Variants in RUVBL2 observed in about 807,000 individuals in gnomAD.
RUVBL2 encodes RuvB like AAA ATPase 2.
In RUVBL2, 9 loss-of-function variants were observed where a neutral mutation model predicts 57.9. The ratio of observed to expected loss-of-function variants is 0.16; its 90% CI spans 0.09 to 0.27. The LOEUF is 0.27. Ranked by LOEUF, RUVBL2 falls within the 10% of genes least tolerant of loss-of-function variation. The pLI, the probability that RUVBL2 is intolerant of heterozygous loss-of-function variation, is 1.00. For synonymous variants in RUVBL2, 278 were observed against 264.6 expected (o/e 1.05, Z -0.49); for missense variants, 456 against 669.6 (o/e 0.68, Z 3.52).
upstream of RUVBL2, chr19:48,993,780 G>GC (rs952071463): frequency 1.6e-6 from 2 of 1,235,110 alleles, no homozygotes; most frequent in Admixed American, 1.9e-5. Context: ...GTCCCGCCAC[G>GC]CCCCCACAAT....
chr19:49,014,329 G>C (rs564453126), intron 11 of RUVBL2, among the ~76,000 whole-genome samples, 155 bp from the exon 12 acceptor site: 27 of 152,362 alleles, frequency 1.8e-4, no homozygotes, highest in African/African-American at 5.3e-4. Context: ...TGCGTCATCA[G>C]GGGTGATGTC....
chr19:48,997,353 G>A (rs1354917310), intron 1 of RUVBL2, among the ~76,000 whole-genome samples: 3 of 152,140 alleles, frequency 2.0e-5, no homozygotes, highest in Admixed American at 6.5e-5. Context: ...GCCGGGCGCG[G>A]TGGCTCACGC....
At chr19:49,001,490 AAAAAG>A (rs932798694) in intron 2 of RUVBL2, 1 of 151,496 alleles carries the variant, frequency 6.6e-6, no homozygotes, top group African/African-American at 2.4e-5. Flanking sequence ...AAAAAAAAAA[AAAAAG>A]GATGAAGAGC....
Position 49,007,082 on chromosome 19 carries a change from C to T in RUVBL2, c.330C>T (p.Ser110=), listed in dbSNP as rs746395753. The part of the protein sequence containing the change: ...FTAIAGSEIF[S]LEMSKTEALT... ...CCATCGCCGGCAGTGAAATCTTCTC[C>T]CTGGAGATGAGCAAGACCGAGGCGC... Residue 110 remains serine (S), a synonymous_variant, in exon 5 of 15, where the codon TCC becomes TCT. Coordinates refer to ENST00000595090, the MANE Select transcript of RUVBL2 (RefSeq NM_006666.3). 7 of 1,613,288 alleles carry T rather than the reference C, an allele frequency of 4.3e-6. No individual in the cohort carries two copies. Among genetic ancestry groups the T allele is most frequent in the South Asian group, 3.3e-5 (3 of 91,090 alleles).
chr19:49,004,189 C>G (rs117409064), intron 3 of RUVBL2, 88 bp from the exon 4 acceptor site: 43,159 of 1,441,494 alleles, frequency 0.03, 703 homozygotes, highest in Middle Eastern at 0.038. Context: ...CTAGTAATGT[C>G]TGCTTCCATC....
intron 2 of RUVBL2, 99 bp downstream of exon 2, chr19:48,999,472 C>G: frequency 2.5e-6 from 3 of 1,217,382 alleles, no homozygotes; most frequent in Non-Finnish European, 3.7e-6. Context: ...AGGGAGGTGG[C>G]CTGCACACCA....
chr19:49,015,515 C>T lies in RUVBL2; in HGVS notation c.1252-57C>T, dbSNP rs536531264. The T allele has an allele frequency of 6.0e-5, 78 of 1,300,808 alleles. 2 individuals carry two copies. Among genetic ancestry groups the T allele is most frequent in the South Asian group, 4.1e-4 (35 of 84,678 alleles). 80.6% of individuals were successfully genotyped at this position (1,300,808 alleles called of 1,614,324 possible). On this transcript the variant is annotated intron_variant, in intron 13 of 14. Coordinates refer to ENST00000595090, the MANE Select transcript of RUVBL2 (RefSeq NM_006666.3). ...GCATGGAGGTGGCATACGCTGGGGT[C>T]TGTGCCTTGAGCCTCACGGAGAGGG...
intron 3 of RUVBL2, among the ~76,000 whole-genome samples, chr19:49,003,656 T>A (rs2039226585): frequency 6.6e-6 from 1 of 151,804 alleles, no homozygotes; most frequent in Non-Finnish European, 1.5e-5. Flanking sequence ...TGGTGGTGCA[T>A]GCCTGTAATT....
rs1568641933 is a variant in RUVBL2, at chr19:49,011,958, C to T, written c.1001+648C>T. On this transcript the variant is annotated intron_variant, in intron 11 of 14. Coordinates refer to ENST00000595090, the MANE Select transcript of RUVBL2 (RefSeq NM_006666.3). This position sits in a 1 kb window ranked among gnomAD's most constrained non-coding sequence, Gnocchi z 4.4. ...CCAGCACCCTGTGTAGCTGGGATTA[C>T]GGGCACCTGCCACCATGCCCGCTGG... Among the ~76,000 whole-genome samples, 2 of 152,126 alleles carry T rather than the reference C, an allele frequency of 1.3e-5. No individual in the cohort carries two copies. The highest frequency in any genetic ancestry group is 2.4e-5 in the African/African-American group (1 of 41,446).
At chr19:49,010,467 T>TGGGGGGGGG in intron 8 of RUVBL2, 21 bp from the exon 9 acceptor site, 1 of 1,401,206 alleles carries the variant, frequency 7.1e-7, no homozygotes, top group Non-Finnish European at 9.9e-7. Flanking sequence ...CCGCCGTTCT[T>TGGGGGGGGG]CCCCCACCCC....
chr19:49,001,017 G>T (rs2039168181), intron 2 of RUVBL2, among the ~76,000 whole-genome samples: 1 of 151,884 alleles, frequency 6.6e-6, no homozygotes, highest in Admixed American at 6.6e-5. Flanking sequence ...AAATTAGCCG[G>T]CAGTGGTGGT....
At position 49,015,678 on chromosome 19, in the gene RUVBL2, A is replaced by C; in HGVS notation, c.1358A>C (p.Asn453Thr). Reference protein sequence around the residue: ...MKEYQDAFLFNELKGETMDTS With the variant: ...MKEYQDAFLFTELKGETMDTS ...GAGTACCAGGACGCCTTCCTCTTCA[A>C]CGAACTCAGTAAGAATCCCCACCCC... Residue 453 changes from asparagine (N) to threonine (T), a missense_variant, in exon 14 of 15, where the codon AAC (asparagine) becomes ACC (threonine). Asn to Thr is a moderately conservative substitution (Grantham distance 65). Around this residue, in one of 5 missense-constraint regions of RUVBL2, gnomAD observed 67 missense variants for 71.5 expected, o/e 0.94. Coordinates refer to ENST00000595090, the MANE Select transcript of RUVBL2 (RefSeq NM_006666.3). 3 of 1,613,854 alleles carry C rather than the reference A, an allele frequency of 1.9e-6. No homozygotes were observed. Among genetic ancestry groups the C allele is most frequent in the Non-Finnish European group, 2.5e-6 (3 of 1,179,860 alleles).
Position 49,003,690 on chromosome 19 carries a change from A to G in RUVBL2, c.123+356A>G, listed in dbSNP as rs116128488. On this transcript the variant is annotated intron_variant, in intron 3 of 14. Transcript: ENST00000595090. ...TTCCAGCTACTCAAGAGCCTAAGGC[A>G]GGAGAATTGCTTGAACCTGGGAGGT... is the stretch of plus-strand genomic sequence containing the variant. Among the ~76,000 whole-genome samples, 1,243 of 152,048 alleles carry G rather than the reference A, an allele frequency of 8.2e-3. 19 individuals are homozygous for G. Among genetic ancestry groups the G allele is most frequent in the African/African-American group, 0.028 (1,171 of 41,466 alleles).
At chr19:49,014,297 G>T (rs2039496083) in intron 11 of RUVBL2, among the ~76,000 whole-genome samples, 187 bp from the exon 12 acceptor site, 1 of 152,360 alleles carries the variant, frequency 6.6e-6, no homozygotes, top group South Asian at 2.1e-4. Flanking sequence ...GCCCTTGGGG[G>T]ACTGACGCAG....
chr19:49,010,739 G>T, intron 9 of RUVBL2, 128 bp downstream of exon 9: 1 of 1,369,586 alleles, frequency 7.3e-7, no homozygotes, highest in South Asian at 1.4e-5. Flanking sequence ...ACTCCGGCCC[G>T]TGGCTGCCTC....
chr19:48,995,430 G>C (rs1278467087), intron 1 of RUVBL2, among the ~76,000 whole-genome samples: 1 of 151,046 alleles, frequency 6.6e-6, no homozygotes, highest in African/African-American at 2.4e-5. Flanking sequence ...TAGGTGGGAA[G>C]GTTCACACAG....
intron 3 of RUVBL2, chr19:49,004,069 T>A: frequency 1.6e-6 from 1 of 634,300 alleles, no homozygotes; most frequent in Non-Finnish European, 2.6e-6. Context: ...TGAGCCATGA[T>A]TGTACCACTG....
chr19:48,999,407 C>G lies in RUVBL2; in HGVS notation c.67+34C>G. On this transcript the variant is annotated intron_variant, in intron 2 of 14. Coordinates refer to ENST00000595090, the MANE Select transcript of RUVBL2 (RefSeq NM_006666.3). Reference sequence around the variant, plus strand: ...GTTGGGTCAGGAATAGGACCTAAGCCCTGCCTGCCATGTGCCCTGACAGAG... The same window carrying G: ...GTTGGGTCAGGAATAGGACCTAAGCGCTGCCTGCCATGTGCCCTGACAGAG... 2.5e-6 allele frequency: 4 copies of G among 1,611,430 alleles called. No individual in the cohort carries two copies. In the South Asian group the frequency reaches 4.4e-5, roughly 18 times the overall value.
intron 9 of RUVBL2, 35 bp from the exon 10 acceptor site, chr19:49,010,964 T>C: frequency 6.3e-7 from 1 of 1,583,460 alleles, no homozygotes; most frequent in Non-Finnish European, 8.6e-7. Context: ...CCGCCTCCTC[T>C]CTGGCTTCCC....
Sources: allele counts gnomAD v4.1 joint callset (sites outside exome capture counted in the v4.1 genomes callset), GRCh38; gene constraint gnomAD v4.1.1; regional missense constraint gnomAD v4.1.1; non-coding constraint Gnocchi (gnomAD v3.1); transcripts MANE v1.5; gene names NCBI Gene and HGNC (gene_info 2026-07-23, HGNC 2026-07-21).